SGMS1: variants seen among roughly 807,000 people sequenced by gnomAD.
SGMS1 encodes the protein sphingomyelin synthase 1, also known as phosphatidylcholine:ceramide cholinephosphotransferase 1.
SGMS1 carries 13 observed loss-of-function variants against 46.2 expected under a neutral mutation model. That is an observed-to-expected ratio of 0.28 (90% CI 0.18 to 0.45). The LOEUF is 0.45. Ranked by LOEUF, SGMS1 falls within the 20% of genes least tolerant of loss-of-function variation. SGMS1 has a pLI of 1.00. For synonymous variants in SGMS1, 203 were observed against 187.8 expected, an observed-to-expected ratio of 1.08 and a Z score of -0.66; for missense variants, 324 against 519.9, an observed-to-expected ratio of 0.62 and a Z score of 3.66.
intron 2 of SGMS1, among the ~76,000 whole-genome samples, chr10:50,527,067 A>G: frequency 2.4e-5 from 1 of 42,448 alleles, no homozygotes; most frequent in African/African-American, 4.6e-5. Flanking sequence ...CTGTCTCAAA[A>G]AAAAAAAAAA....
intron 7 of SGMS1, among the ~76,000 whole-genome samples, chr10:50,332,831 G>T (rs1385448970): frequency 6.6e-6 from 1 of 151,822 alleles, no homozygotes; most frequent in East Asian, 1.9e-4. Flanking sequence ...TTGCCATTTT[G>T]CCCAGGCTGG....
intron 3 of SGMS1, among the ~76,000 whole-genome samples, chr10:50,495,561 A>ATCTTC (rs2133747605): frequency 6.6e-6 from 1 of 152,312 alleles, no homozygotes; most frequent in East Asian, 1.9e-4. Context: ...ATAAACATAG[A>ATCTTC]AGTTTATTCT....
At chr10:50,502,704 G>C (rs147706729) in intron 3 of SGMS1, among the ~76,000 whole-genome samples, 1 of 152,268 alleles carries the variant, frequency 6.6e-6, no homozygotes, top group East Asian at 1.9e-4. Context: ...TCAGTCCCCA[G>C]GTCTCTAACA....
intron 2 of SGMS1, among the ~76,000 whole-genome samples, chr10:50,540,735 G>A (rs1002628344): frequency 6.6e-6 from 1 of 152,216 alleles, no homozygotes; most frequent in African/African-American, 2.4e-5. Flanking sequence ...GCCAGGTCAT[G>A]CGAGTCACTA....
At chr10:50,432,145 A>G (rs1429102260) in intron 6 of SGMS1, among the ~76,000 whole-genome samples, 1 of 152,212 alleles carries the variant, frequency 6.6e-6, no homozygotes, top group Non-Finnish European at 1.5e-5. Flanking sequence ...GAAACCTACA[A>G]TTAGTGGTGT....
chr10:50,388,298 CAATTT>C (rs1848711380), intron 6 of SGMS1, among the ~76,000 whole-genome samples: 1 of 151,858 alleles, frequency 6.6e-6, no homozygotes, highest in South Asian at 2.1e-4. Flanking sequence ...AAAATGTTAA[CAATTT>C]AATTAAATAT....
chr10:50,369,323 C>A (rs562934341), intron 6 of SGMS1, among the ~76,000 whole-genome samples: 1 of 152,098 alleles, frequency 6.6e-6, no homozygotes, highest in Admixed American at 6.6e-5. Flanking sequence ...CATGGCAAGA[C>A]CCTGTCTCTA....
chr10:50,308,258 T>C, intron 9 of SGMS1, 110 bp from the exon 10 acceptor site: 1 of 941,214 alleles, frequency 1.1e-6, no homozygotes, highest in Non-Finnish European at 1.6e-6. Flanking sequence ...TCTTCCCTTC[T>C]GAAAACAGAT....
chr10:50,587,679 G>GTGTGTGTA (rs1564438739), intron 2 of SGMS1, among the ~76,000 whole-genome samples: 9 of 150,432 alleles, frequency 6.0e-5, no homozygotes, highest in Non-Finnish European at 8.8e-5. Flanking sequence ...GTGTGTGTGT[G>GTGTGTGTA]TCGTTATGTA....
At chr10:50,362,143 T>C (rs1309104850) in intron 6 of SGMS1, among the ~76,000 whole-genome samples, 2 of 152,208 alleles carry the variant, frequency 1.3e-5, no homozygotes, top group Non-Finnish European at 2.9e-5. Flanking sequence ...TTCCAGAACA[T>C]GGACCCAGTG....
chr10:50,346,521 A>G (rs547351786), intron 6 of SGMS1, among the ~76,000 whole-genome samples: 1 of 152,328 alleles, frequency 6.6e-6, no homozygotes, highest in African/African-American at 2.4e-5. Context: ...TAGCCAAATA[A>G]GCCTAGGAAT....
intron 6 of SGMS1, among the ~76,000 whole-genome samples, chr10:50,366,308 C>T (rs771910770): frequency 1.2e-4 from 18 of 152,076 alleles, no homozygotes; most frequent in Non-Finnish European, 2.5e-4. Flanking sequence ...ACAATAGATG[C>T]TGGAGAGGTT....
intron 5 of SGMS1, among the ~76,000 whole-genome samples, chr10:50,455,686 C>A (rs560646491): frequency 6.6e-6 from 1 of 152,124 alleles, no homozygotes; most frequent in African/African-American, 2.4e-5. Flanking sequence ...AGAGAGCCCA[C>A]CGAAAATGTT....
intron 6 of SGMS1, among the ~76,000 whole-genome samples, chr10:50,415,573 A>AG (rs1230179046): frequency 1.3e-5 from 2 of 152,156 alleles, no homozygotes; most frequent in Non-Finnish European, 2.9e-5. Context: ...TAGATGGTGC[A>AG]GGTGATGATG....
intron 6 of SGMS1, among the ~76,000 whole-genome samples, chr10:50,397,783 T>C (rs576715273): frequency 1.3e-5 from 2 of 152,336 alleles, no homozygotes; most frequent in Admixed American, 6.5e-5. Flanking sequence ...TGAAGATAAA[T>C]CTGTTATTTC....
intron 1 of SGMS1, among the ~76,000 whole-genome samples, chr10:50,618,898 G>T (rs1838822157): frequency 1.3e-5 from 2 of 152,292 alleles, no homozygotes; most frequent in South Asian, 4.2e-4. Flanking sequence ...TAGGACCCAA[G>T]AATCTGTATT....
At chr10:50,349,715 T>C (rs1488472379) in intron 6 of SGMS1, among the ~76,000 whole-genome samples, 1 of 152,148 alleles carries the variant, frequency 6.6e-6, no homozygotes, top group East Asian at 1.9e-4. Context: ...TTATCAGAGG[T>C]TTCCACTTTT....
intron 8 of SGMS1, among the ~76,000 whole-genome samples, 168 bp from the exon 9 acceptor site, chr10:50,311,583 G>A (rs1847252426): frequency 6.6e-6 from 1 of 151,780 alleles, no homozygotes; most frequent in Non-Finnish European, 1.5e-5. Flanking sequence ...AGCCCTTGGG[G>A]CGGGGGGGTG....
Position 50,307,040 on chromosome 10 carries a change from T to G in SGMS1, c.*102A>C. 3.4e-6 allele frequency: 4 copies of G among 1,163,240 alleles called. No homozygotes were observed. The highest frequency in any genetic ancestry group is 3.2e-5 in the South Asian group (2 of 62,142). 72.1% of individuals were successfully genotyped at this position (1,163,240 alleles called of 1,614,324 possible). A position where few individuals can be genotyped will look rare whatever the true frequency, so the allele number is the denominator to read the frequency against. On this transcript the variant is annotated 3_prime_UTR_variant, in exon 11 of 11. Coordinates refer to ENST00000361781, the MANE Select transcript of SGMS1 (RefSeq NM_147156.4). This position sits in a 1 kb window ranked among gnomAD's most constrained non-coding sequence, Gnocchi z 4.2. Reference sequence around the variant, plus strand: ...CAATAGGTTAAGTCAAGGTAACCATTGAAAGATAATAGGATTAGGGAGGTG... The same window carrying G: ...CAATAGGTTAAGTCAAGGTAACCATGGAAAGATAATAGGATTAGGGAGGTG...
Sources: gnomAD v4.1 joint callset for allele counts (sites outside exome capture counted in the v4.1 genomes callset) on GRCh38, gnomAD v4.1.1 for gene constraint, Gnocchi (gnomAD v3.1) non-coding constraint, MANE v1.5 for transcripts, NCBI Gene and HGNC (gene_info 2026-07-23, HGNC 2026-07-21) for gene names.